Variants in ATP13A3 observed in about 807,000 individuals in gnomAD.
ATP13A3 encodes the protein ATPase 13A3.
Under a neutral mutation model 158.1 loss-of-function variants are expected in ATP13A3, and 59 were observed. The observed-to-expected ratio is 0.37, with a 90% confidence interval of 0.30 to 0.46. The LOEUF (loss-of-function observed/expected upper bound fraction) is 0.46, where lower values mean the gene tolerates loss of function less well. ATP13A3 is among the 20% of genes least tolerant of loss of function. The probability of loss-of-function intolerance (pLI) is 1.00; values close to 1 mark genes in which losing one functional copy is unlikely to be tolerated. For synonymous variants in ATP13A3, 491 were observed against 504.3 expected, an observed-to-expected ratio of 0.97 and a Z score of 0.35; for missense variants, 1,166 against 1,525.2, an observed-to-expected ratio of 0.76 and a Z score of 3.92.
At chr3:194,463,554 G>A (rs989633210) in intron 2 of ATP13A3, among the ~76,000 whole-genome samples, 1 of 151,936 alleles carries the variant, frequency 6.6e-6, no homozygotes, top group Non-Finnish European at 1.5e-5. Flanking sequence ...ATGGGTTTCA[G>A]CCCCCCGAGT....
At chr3:194,442,295 G>T (rs1211891287) in intron 15 of ATP13A3, among the ~76,000 whole-genome samples, 1 of 152,208 alleles carries the variant, frequency 6.6e-6, no homozygotes, top group African/African-American at 2.4e-5. Flanking sequence ...AACAAAGACA[G>T]AATTAGAATC....
chr3:194,412,009 A>C (rs992277986), intron 33 of ATP13A3, among the ~76,000 whole-genome samples, 190 bp downstream of exon 33: 1 of 152,198 alleles, frequency 6.6e-6, no homozygotes, highest in African/African-American at 2.4e-5. Context: ...GTTTGCCATG[A>C]ATTTTCTAGG....
At position 194,460,710 on chromosome 3, in the gene ATP13A3, G is replaced by A. The variant is rs532951838; in HGVS notation, c.173C>T (p.Thr58Ile). 1.9e-6 allele frequency: 3 copies of A among 1,614,030 alleles called. No homozygotes were observed. Among genetic ancestry groups the A allele is most frequent in the East Asian group, 2.2e-5 (1 of 44,868 alleles). ...GTCTTTAATTGCAGCTCTGACACAG[G>A]TCGCTTTCACCCGCCACTCAGGCAT... ...YWMPEWRVKA[T>I]CVRAAIKDCE... Residue 58 changes from threonine to isoleucine, a missense_variant, in exon 4 of 34, where the codon ACC becomes ATC. By Grantham distance (89) the Thr-to-Ile change is moderately conservative. This residue lies in a region of ATP13A3 where 65 missense variants were observed against 92.4 expected (regional missense o/e 0.70). Transcript: ENST00000645319.
chr3:194,408,021 CTTT>C (rs778831468), intron 33 of ATP13A3, among the ~76,000 whole-genome samples: 1 of 138,300 alleles, frequency 7.2e-6, no homozygotes, highest in Non-Finnish European at 1.6e-5. Context: ...AAGCTGTCAC[CTTT>C]TTTTTTTTTT....
rs372946732 is a variant in ATP13A3 at position 194,448,022 on chromosome 3, G to C, written c.1151-13C>G. 2 of 1,575,520 alleles carry C rather than the reference G, an allele frequency of 1.3e-6. No homozygotes were observed. Among genetic ancestry groups the C allele is most frequent in the African/African-American group, 2.7e-5 (2 of 73,136 alleles). ...GAAGTACTAAATCCTTTCAAAAAAA[G>C]AAGACAATTATTGATATTTTTATAA... On this transcript the variant is annotated splice_polypyrimidine_tract_variant and intron_variant, in intron 12 of 33. Transcript: ENST00000645319. The surrounding 1 kb of genome is among the most constrained non-coding windows in gnomAD (Gnocchi z 4.0).
chr3:194,439,907 A>C (rs1717924370), intron 16 of ATP13A3, among the ~76,000 whole-genome samples: 1 of 152,232 alleles, frequency 6.6e-6, no homozygotes, highest in South Asian at 2.1e-4. Flanking sequence ...GAGAAGAACG[A>C]TAAATCAGCC....
chr3:194,484,284 T>C (rs367899684), intron 2 of ATP13A3, among the ~76,000 whole-genome samples: 6 of 152,168 alleles, frequency 3.9e-5, no homozygotes, highest in Non-Finnish European at 8.8e-5. Flanking sequence ...CCTGAAAGTG[T>C]TGAGGATTAG....
At position 194,412,180 on chromosome 3, in the gene ATP13A3, G is replaced by A. The variant is rs1560068217; in HGVS notation, c.3573+19C>T. ...CCTAGAGAGGCAGCAAGAATTGACA[G>A]GAAGTGCTGAGTTCCAACCTGCGGT... On this transcript the variant is annotated intron_variant, in intron 33 of 33. Coordinates refer to ENST00000645319, the MANE Select transcript of ATP13A3 (RefSeq NM_001367549.1). 3 of 1,529,446 alleles carry A rather than the reference G, an allele frequency of 2.0e-6. No individual in the cohort carries two copies. The highest frequency in any genetic ancestry group is 2.4e-5 in the East Asian group (1 of 40,878). 94.7% of individuals were successfully genotyped at this position (1,529,446 alleles called of 1,614,324 possible).
intron 21 of ATP13A3, among the ~76,000 whole-genome samples, chr3:194,433,368 C>T (rs896461662): frequency 3.0e-4 from 45 of 151,672 alleles, no homozygotes; most frequent in Non-Finnish European, 6.0e-4. Flanking sequence ...CTCAGCCTCC[C>T]GAGTAGCTGG....
intron 16 of ATP13A3, among the ~76,000 whole-genome samples, chr3:194,439,222 G>A (rs1402200869): frequency 6.6e-6 from 1 of 152,172 alleles, no homozygotes; most frequent in Admixed American, 6.5e-5. Flanking sequence ...AGGGTTAGAA[G>A]CAGAATAAAG....
rs780344708 is a variant in ATP13A3, at chr3:194,425,396, C to G, written c.3259G>C (p.Val1087Leu). 6.2e-7 allele frequency: 1 copy of G among 1,613,248 alleles called. No individual in the cohort carries two copies. The highest frequency in any genetic ancestry group is 8.5e-7 in the Non-Finnish European group (1 of 1,179,716). ...FFISSFQYLI[V>L]AIAFSKGKPF... ...TTTCCTTTTGAAAAGGCAATTGCCACTATGAGGTACTGAAAACTGGAAATA... is the reference window on the plus strand; with the variant it reads ...TTTCCTTTTGAAAAGGCAATTGCCAGTATGAGGTACTGAAAACTGGAAATA... Residue 1087 changes from valine to leucine, a missense_variant, in exon 30 of 34, where the codon GTG becomes CTG. This residue lies in a region of ATP13A3 where 997 missense variants were observed against 1,341.2 expected (regional missense o/e 0.74). Transcript: ENST00000645319.
In ATP13A3 at chr3:194,448,183, T is replaced by C. The variant is rs932522689; in HGVS notation, c.1151-174A>G. Among the ~76,000 whole-genome samples the C allele has an allele frequency of 2.0e-5, 3 of 151,912 alleles. No homozygotes were observed. The highest frequency in any genetic ancestry group is 6.6e-5 in the Admixed American group (1 of 15,254). On this transcript the variant is annotated intron_variant, in intron 12 of 33. Coordinates refer to ENST00000645319, the MANE Select transcript of ATP13A3 (RefSeq NM_001367549.1). This position sits in a 1 kb window ranked among gnomAD's most constrained non-coding sequence, Gnocchi z 4.0. ...AGCTCCGCCTCCTGGGTTCACGCCATTCTCCTGCCTCAGCCTCCCGAGTAG... is the reference window on the plus strand; with the variant it reads ...AGCTCCGCCTCCTGGGTTCACGCCACTCTCCTGCCTCAGCCTCCCGAGTAG...
chr3:194,486,126 C>G (rs918947191), intron 1 of ATP13A3, among the ~76,000 whole-genome samples: 2 of 152,140 alleles, frequency 1.3e-5, no homozygotes, highest in African/African-American at 4.8e-5. Flanking sequence ...TCAGGCAAGT[C>G]AGAAGTCACT....
intron 26 of ATP13A3, 30 bp from the exon 27 acceptor site, chr3:194,429,804 G>T: frequency 6.3e-7 from 1 of 1,580,638 alleles, no homozygotes; most frequent in Non-Finnish European, 8.7e-7. Context: ...GTCGGCATAT[G>T]AATAGAAGCA....
chr3:194,412,338 T>G (rs913442501), intron 32 of ATP13A3, 50 bp from the exon 33 acceptor site: 1 of 1,381,522 alleles, frequency 7.2e-7, no homozygotes, highest in African/African-American at 1.4e-5. Flanking sequence ...AAGTCATTTT[T>G]TATTAATGTG....
chr3:194,436,712 G>A (rs1444758799), intron 20 of ATP13A3, among the ~76,000 whole-genome samples: 4 of 152,252 alleles, frequency 2.6e-5, no homozygotes, highest in South Asian at 2.1e-4. Context: ...GTCAGGTATG[G>A]CGGCACCCGC....
chr3:194,444,887 G>A (rs1718293444), intron 14 of ATP13A3, 101 bp from the exon 15 acceptor site: 2 of 854,444 alleles, frequency 2.3e-6, no homozygotes, highest in Non-Finnish European at 3.7e-6. Context: ...TAGAAACTAT[G>A]CTACATATAA....
At chr3:194,456,658 CAATTT>C (rs1166661910) in intron 7 of ATP13A3, among the ~76,000 whole-genome samples, 2 of 151,970 alleles carry the variant, frequency 1.3e-5, no homozygotes, top group Non-Finnish European at 2.9e-5. Context: ...TTATGTCTCC[CAATTT>C]ACAATCTTTC....
In ATP13A3 at chr3:194,480,852, T is replaced by C. The variant is rs1434863973; in HGVS notation, c.-47+4942A>G. On this transcript the variant is annotated intron_variant, in intron 2 of 33. Transcript: ENST00000645319. Reference sequence around the variant, plus strand: ...CAGAGTGAGCATGAAATGAAGACTATAAATCCGCTATGCTCAGTCAATCTA... The same window carrying C: ...CAGAGTGAGCATGAAATGAAGACTACAAATCCGCTATGCTCAGTCAATCTA... Among the ~76,000 whole-genome samples, 3 of 152,152 alleles carry C rather than the reference T, an allele frequency of 2.0e-5. No individual in the cohort carries two copies. In the East Asian group the frequency reaches 5.8e-4, roughly 29 times the overall value.
Sources: allele counts gnomAD v4.1 joint callset (sites outside exome capture counted in the v4.1 genomes callset), GRCh38; gene constraint gnomAD v4.1.1; regional missense constraint gnomAD v4.1.1; non-coding constraint Gnocchi (gnomAD v3.1); transcripts MANE v1.5; gene names NCBI Gene and HGNC (gene_info 2026-07-23, HGNC 2026-07-21).